Variants in DSTYK observed in about 807,000 individuals in gnomAD.
The protein encoded by DSTYK is RIP-homologous kinase.
DSTYK carries 34 observed loss-of-function variants against 98.7 expected under a neutral mutation model. The observed-to-expected ratio is 0.34, with a 90% CI of 0.26 to 0.46. DSTYK has a LOEUF of 0.46. DSTYK is among the 20% of genes least tolerant of loss of function. DSTYK has a pLI of 1.00. For synonymous variants in DSTYK, 462 were observed against 457.3 expected (o/e 1.01, Z -0.13); for missense variants, 962 against 1,181.7 (o/e 0.81, Z 2.73).
In DSTYK at chr1:205,147,758, G is replaced by A. The variant is rs1465894001; in HGVS notation, c.2603-13C>T. On this transcript the variant is annotated splice_polypyrimidine_tract_variant and intron_variant, in intron 12 of 12. Coordinates refer to ENST00000367162, the MANE Select transcript of DSTYK (RefSeq NM_015375.3). ...TCTGGGCGAGCCCCTAGAGAAAGGA[G>A]CATGGAAACAAGATCACAGTGAGAG... 4 of 1,609,686 alleles carry A rather than the reference G, an allele frequency of 2.5e-6. No individual in the cohort carries two copies. The highest frequency in any genetic ancestry group is 1.7e-5 in the Admixed American group (1 of 59,944).
chr1:205,194,989 ATTTTTT>A (rs964750887), intron 1 of DSTYK, among the ~76,000 whole-genome samples: 1 of 138,524 alleles, frequency 7.2e-6, no homozygotes, highest in Non-Finnish European at 1.6e-5. Flanking sequence ...AGTGCCACTA[ATTTTTT>A]TTTTTTTTTT....
intron 7 of DSTYK, 69 bp from the exon 8 acceptor site, chr1:205,160,339 T>A: frequency 1.2e-5 from 3 of 249,302 alleles, no homozygotes; most frequent in African/African-American, 2.4e-5. Flanking sequence ...TGTAAGATTC[T>A]TTTTTTTTTT....
intron 10 of DSTYK, among the ~76,000 whole-genome samples, chr1:205,156,630 A>G (rs538857561): frequency 2.6e-5 from 4 of 152,346 alleles, no homozygotes; most frequent in Admixed American, 6.5e-5. Flanking sequence ...TTTTGATTTT[A>G]CAGGCTCACA....
intron 1 of DSTYK, among the ~76,000 whole-genome samples, chr1:205,203,632 C>G (rs907758254): frequency 6.8e-6 from 1 of 147,692 alleles, no homozygotes; most frequent in Non-Finnish European, 1.5e-5. Context: ...AGCAAGCTGA[C>G]CAGCTGGGCA....
intron 1 of DSTYK, among the ~76,000 whole-genome samples, chr1:205,204,483 A>ACAC (rs1491083892): frequency 1.0e-5 from 1 of 98,622 alleles, no homozygotes; most frequent in South Asian, 3.2e-4. Context: ...CACACACACA[A>ACAC]CCACTCAAAC....
rs528757571 is a variant in DSTYK, at chr1:205,149,537, T to G, written c.2467+1143A>C. 5.9e-5 allele frequency among the ~76,000 whole-genome samples: 9 copies of G among 152,324 alleles called. No individual in the cohort carries two copies. In the South Asian group the frequency reaches 1.2e-3, roughly 21 times the overall value. On this transcript the variant is annotated intron_variant, in intron 11 of 12. Transcript: ENST00000367162. Reference sequence around the variant, plus strand: ...ACCATATCAAGTTAGCACCAAAATTTTGTTCATTCTTCCTCTGAATTAATC... The same window carrying G: ...ACCATATCAAGTTAGCACCAAAATTGTGTTCATTCTTCCTCTGAATTAATC...
chr1:205,182,274 G>A lies in DSTYK; in HGVS notation c.654+5144C>T, dbSNP rs904064286. 2.0e-5 allele frequency among the ~76,000 whole-genome samples: 3 copies of A among 150,988 alleles called. No individual in the cohort carries two copies. In the East Asian group the frequency reaches 5.9e-4, roughly 30 times the overall value. On this transcript the variant is annotated intron_variant, in intron 2 of 12. Transcript: ENST00000367162. ...AAATTAGTCAGGCATGGTGACGCAC[G>A]CCTGTAGTCCCAGCTACTTGGGAGG...
At chr1:205,160,788 GTT>G (rs35547823) in intron 7 of DSTYK, among the ~76,000 whole-genome samples, 3 of 145,276 alleles carry the variant, frequency 2.1e-5, no homozygotes, top group Non-Finnish European at 3.0e-5. Flanking sequence ...GTTTTTTGTT[GTT>G]TTTTTTTTTG....
chr1:205,211,528 C>G lies in DSTYK; in HGVS notation c.8G>C (p.Gly3Ala). ME[G>A]DGVPWGSEPV... ...CTCGCTGCCCCATGGCACCCCGTCG[C>G]CCTCCATCGCCTCTGCCCGCTCTGT... The change falls in exon 1 of 13, where the codon GGC becomes GCC. Residue 3 changes from glycine to alanine, a missense_variant. By Grantham distance (60) the Gly-to-Ala change is moderately conservative. Around this residue, in one of 4 missense-constraint regions of DSTYK, gnomAD observed 168 missense variants for 120.0 expected, o/e 1.40. Transcript: ENST00000367162. The G allele has an allele frequency of 3.9e-6, 6 of 1,538,624 alleles. No individual in the cohort carries two copies. The highest frequency in any genetic ancestry group is 2.8e-5 in the African/African-American group (2 of 71,816).
At chr1:205,190,769 C>G (rs1658690247) in intron 1 of DSTYK, among the ~76,000 whole-genome samples, 1 of 152,140 alleles carries the variant, frequency 6.6e-6, no homozygotes, top group Non-Finnish European at 1.5e-5. Flanking sequence ...CCCTGTCCTC[C>G]CCAGATTTTC....
At chr1:205,156,722 G>A (rs1253849238) in intron 10 of DSTYK, among the ~76,000 whole-genome samples, 3 of 152,156 alleles carry the variant, frequency 2.0e-5, no homozygotes, top group African/African-American at 7.2e-5. Context: ...AAGACTTTGG[G>A]GAACTGTTGG....
At chr1:205,167,145 C>CA (rs1057289683) in intron 3 of DSTYK, among the ~76,000 whole-genome samples, 2 of 152,186 alleles carry the variant, frequency 1.3e-5, no homozygotes, top group African/African-American at 4.8e-5. Context: ...CCTATAATCC[C>CA]AGCACTTTTT....
chr1:205,197,782 T>C (rs1015625631), intron 1 of DSTYK, among the ~76,000 whole-genome samples: 5 of 152,200 alleles, frequency 3.3e-5, no homozygotes, highest in African/African-American at 1.2e-4. Context: ...TCTAAGCAAG[T>C]AGTTTAGGAT....
rs192265060 is a variant in DSTYK, at chr1:205,204,705, T to A, written c.265+6566A>T. On this transcript the variant is annotated intron_variant, in intron 1 of 12. Coordinates refer to ENST00000367162, the MANE Select transcript of DSTYK (RefSeq NM_015375.3). ...TATTTAATTCCAGAGCACTCTCATCTCCTCCCAGAAAAATTCCATACCCAT... is the reference window on the plus strand; with the variant it reads ...TATTTAATTCCAGAGCACTCTCATCACCTCCCAGAAAAATTCCATACCCAT... Among the ~76,000 whole-genome samples, 150 of 152,220 alleles carry A rather than the reference T, an allele frequency of 9.9e-4. 2 individuals are homozygous for A. Among genetic ancestry groups the A allele is most frequent in the African/African-American group, 3.4e-3 (142 of 41,528 alleles).
rs1042097216 is a variant in DSTYK at position 205,211,572 on chromosome 1, G to A, written c.-37C>T. 1.4e-6 allele frequency: 2 copies of A among 1,418,768 alleles called. No individual in the cohort carries two copies. Among genetic ancestry groups the A allele is most frequent in the Non-Finnish European group, 1.8e-6 (2 of 1,094,860 alleles). The allele number at this position is 1,418,768 out of a possible 1,614,324, so 87.9% of individuals were successfully genotyped here. A position where few individuals can be genotyped will look rare whatever the true frequency, so the allele number is the denominator to read the frequency against. ...GCTCTGTCTTTGCGGCTCGGTCCCC[G>A]GCCGCAGGCCCGGCCTCCCTCCTCC... is the stretch of plus-strand genomic sequence containing the variant. On this transcript the variant is annotated 5_prime_UTR_variant, in exon 1 of 13. Transcript: ENST00000367162.
chr1:205,177,638 G>A (rs1014154280), intron 2 of DSTYK, among the ~76,000 whole-genome samples: 1 of 152,064 alleles, frequency 6.6e-6, no homozygotes, highest in Non-Finnish European at 1.5e-5. Context: ...AGGCCAAGGC[G>A]GGTGAATCAC....
rs558734134 is a variant in DSTYK at position 205,164,713 on chromosome 1, G to A, written c.1325-758C>T. On this transcript the variant is annotated intron_variant, in intron 3 of 12. Transcript: ENST00000367162. Reference sequence around the variant, plus strand: ...CCTGACCTCGTGATCTGCCCACCTCGGCCTCCCAAAGTGCTGGGATTACAG... The same window carrying A: ...CCTGACCTCGTGATCTGCCCACCTCAGCCTCCCAAAGTGCTGGGATTACAG... Among the ~76,000 whole-genome samples, 9 of 152,106 alleles carry A rather than the reference G, an allele frequency of 5.9e-5. No homozygotes were observed. The South Asian group carries it at 6.2e-4, about 11-fold the overall frequency.
chr1:205,206,354 AC>A (rs1356346638), intron 1 of DSTYK, among the ~76,000 whole-genome samples: 1 of 151,030 alleles, frequency 6.6e-6, no homozygotes, highest in Non-Finnish European at 1.5e-5. Flanking sequence ...ATCTCGGCTC[AC>A]CAAAACCTCC....
chr1:205,144,500 C>T lies in DSTYK; in HGVS notation c.*3058G>A, dbSNP rs189940169. On this transcript the variant is annotated 3_prime_UTR_variant, in exon 13 of 13. Coordinates refer to ENST00000367162, the MANE Select transcript of DSTYK (RefSeq NM_015375.3). ...ACAATACAGTACATTTCATGGCATT[C>T]CATCACTTATAATAAGAATGGATGC... The T allele has an allele frequency of 4.1e-4, 62 of 152,698 alleles. 1 individual carries two copies. Among genetic ancestry groups the T allele is most frequent in the Admixed American group, 3.7e-3 (56 of 15,294 alleles). 9.5% of individuals were successfully genotyped at this position (152,698 alleles called of 1,614,324 possible).
Sources: gnomAD v4.1 joint callset for allele counts (sites outside exome capture counted in the v4.1 genomes callset) on GRCh38, gnomAD v4.1.1 for gene constraint, gnomAD v4.1.1 regional missense constraint, MANE v1.5 for transcripts, NCBI Gene and HGNC (gene_info 2026-07-23, HGNC 2026-07-21) for gene names.